The following MRPL44 variants were observed in gnomAD, a reference collection of about 807,000 sequenced individuals.
MRPL44 encodes the protein large ribosomal subunit protein mL44.
Under a neutral mutation model 25.9 loss-of-function variants are expected in MRPL44, and 21 were observed. The ratio of observed to expected loss-of-function variants is 0.81; its 90% CI spans 0.58 to 1.17. The LOEUF (loss-of-function observed/expected upper bound fraction) is 1.17, where lower values mean the gene tolerates loss of function less well. MRPL44 is among the 50% of genes most tolerant of loss of function. The pLI, the probability that MRPL44 is intolerant of heterozygous loss-of-function variation, is 0.00. For synonymous variants in MRPL44, 169 were observed against 151.0 expected, an observed-to-expected ratio of 1.12 and a Z score of -0.87; for missense variants, 410 against 398.9, an observed-to-expected ratio of 1.03 and a Z score of -0.24.
chr2:223,959,523 T>C lies in MRPL44; in HGVS notation c.180-11T>C, dbSNP rs200676510. 57 of 1,591,804 alleles carry C rather than the reference T, an allele frequency of 3.6e-5. No homozygotes were observed. In the East Asian group the frequency reaches 1.2e-3, roughly 33 times the overall value. On this transcript the variant is annotated splice_polypyrimidine_tract_variant and intron_variant, in intron 1 of 3. Transcript: ENST00000258383. Reference sequence around the variant, plus strand: ...TCTCTTTACCATCTCTTACTGTCTTTACATTTTCAGTTCAGAGAAGCCGAA... The same window carrying C: ...TCTCTTTACCATCTCTTACTGTCTTCACATTTTCAGTTCAGAGAAGCCGAA...
chr2:223,967,173 AG>A lies in MRPL44; in HGVS notation c.*140del. ...TTTACTGTGTTCCCAAAATTAAATAAGTGTTAACCAAGTCACAGTGTTTTTG... is the reference window on the plus strand; with the variant it reads ...TTTACTGTGTTCCCAAAATTAAATAATGTTAACCAAGTCACAGTGTTTTTG... On this transcript the variant is annotated 3_prime_UTR_variant, in exon 4 of 4. Transcript: ENST00000258383. The A allele has an allele frequency of 1.1e-6, 1 of 873,890 alleles. No homozygotes were observed. Among genetic ancestry groups the A allele is most frequent in the Non-Finnish European group, 1.7e-6 (1 of 596,714 alleles). 54.1% of individuals were successfully genotyped at this position (873,890 alleles called of 1,614,324 possible).
At chr2:223,951,881 T>C in the MRPL44 span, among the ~76,000 whole-genome samples, 1 of 152,206 alleles carries the variant, frequency 6.6e-6, no homozygotes, top group Non-Finnish European at 1.5e-5. Context: ...TATTTTATAG[T>C]TGTACTGTAA....
intron 2 of MRPL44, 31 bp from the exon 3 acceptor site, chr2:223,963,725 T>C (rs753118404): frequency 7.2e-7 from 1 of 1,388,888 alleles, no homozygotes; most frequent in South Asian, 1.5e-5. Context: ...TTCTACTAAT[T>C]AAAATGTATA....
upstream of MRPL44, among the ~76,000 whole-genome samples, chr2:223,953,259 C>G (rs187714332): frequency 6.6e-6 from 1 of 151,636 alleles, no homozygotes; most frequent in Non-Finnish European, 1.5e-5. Context: ...CTCAGCCTCT[C>G]GAGTAGCTGG....
chr2:223,957,227 G>A (rs1308267944), upstream of MRPL44, among the ~76,000 whole-genome samples: 1 of 152,276 alleles, frequency 6.6e-6, no homozygotes, highest in East Asian at 1.9e-4. Context: ...ACGCCCTCAA[G>A]TCCGGATCAT....
At chr2:223,961,569 T>C (rs903084989) in intron 2 of MRPL44, among the ~76,000 whole-genome samples, 2 of 152,192 alleles carry the variant, frequency 1.3e-5, no homozygotes, top group African/African-American at 4.8e-5. Flanking sequence ...CCAGGTGATA[T>C]CTCTGCATCT....
chr2:223,953,632 C>T (rs764446784), upstream of MRPL44, among the ~76,000 whole-genome samples: 6 of 152,296 alleles, frequency 3.9e-5, no homozygotes, highest in South Asian at 2.1e-4. Flanking sequence ...GGACATGCTT[C>T]GTCTCCTTGG....
Position 223,967,588 on chromosome 2 carries a change from T to C in MRPL44, c.*554T>C, listed in dbSNP as rs1160628808. 1 of 152,240 alleles carries C rather than the reference T, an allele frequency of 6.6e-6. No individual in the cohort carries two copies. Among genetic ancestry groups the C allele is most frequent in the African/African-American group, 2.4e-5 (1 of 41,450 alleles). 9.4% of individuals were successfully genotyped at this position (152,240 alleles called of 1,614,324 possible). ...AAAAATTTTCCTAATGTTCTTGATT[T>C]AATTGTATAGAATTTGTATAATTAG... On this transcript the variant is annotated 3_prime_UTR_variant, in exon 4 of 4. Transcript: ENST00000258383.
At chr2:223,957,039 G>C (rs1000658669), upstream of MRPL44, among the ~76,000 whole-genome samples, 11 of 152,298 alleles carry the variant, frequency 7.2e-5, no homozygotes, top group Admixed American at 5.2e-4. Flanking sequence ...GTAAATACTT[G>C]CTCAGTAGTG....
At chr2:223,952,251 A>G in the MRPL44 span, among the ~76,000 whole-genome samples, 1 of 151,748 alleles carries the variant, frequency 6.6e-6, no homozygotes, top group Non-Finnish European at 1.5e-5. Context: ...TTTCTCCTCC[A>G]CTCTTTCTGC....
At chr2:223,966,299 A>G (rs1013685867) in intron 3 of MRPL44, among the ~76,000 whole-genome samples, 2 of 152,026 alleles carry the variant, frequency 1.3e-5, no homozygotes, top group African/African-American at 4.8e-5. Context: ...TGAAATATAG[A>G]GCTGGTTTCT....
chr2:223,951,618 A>G, the MRPL44 span, among the ~76,000 whole-genome samples: 248 of 151,946 alleles, frequency 1.6e-3, 2 homozygotes, highest in Non-Finnish European at 2.1e-4. Context: ...AGCTGGGATT[A>G]CAGGTACATG....
chr2:223,952,173 T>C, the MRPL44 span, among the ~76,000 whole-genome samples: 2 of 152,204 alleles, frequency 1.3e-5, no homozygotes, highest in South Asian at 2.1e-4. Flanking sequence ...ACTTGCTTCC[T>C]GATAAGTTTG....
At position 223,957,653 on chromosome 2, in the gene MRPL44, T is replaced by C; in HGVS notation, c.179+2T>C. ...GTGCCCGCCGCCGCCCGTGCGCCGG[T>C]AGGAGCCACCTCGGGAAGAGGTCTC... On this transcript the variant is annotated splice_donor_variant, in intron 1 of 3. Coordinates refer to ENST00000258383, the MANE Select transcript of MRPL44 (RefSeq NM_022915.5). LOFTEE classifies it high-confidence loss of function. 1 of 1,604,614 alleles carries C rather than the reference T, an allele frequency of 6.2e-7. No individual in the cohort carries two copies. The highest frequency in any genetic ancestry group is 8.5e-7 in the Non-Finnish European group (1 of 1,179,172).
the MRPL44 span, among the ~76,000 whole-genome samples, chr2:223,952,453 T>C: frequency 6.6e-6 from 1 of 152,196 alleles, no homozygotes; most frequent in Non-Finnish European, 1.5e-5. Flanking sequence ...CTTTCAGTTC[T>C]AACACCTTTG....
chr2:223,955,971 G>T (rs1689557696), upstream of MRPL44, among the ~76,000 whole-genome samples: 1 of 152,150 alleles, frequency 6.6e-6, no homozygotes, highest in Non-Finnish European at 1.5e-5. Flanking sequence ...ATCTGCAAAT[G>T]ATGCTCTCGT....
At chr2:223,957,207 T>C (rs1559182846), upstream of MRPL44, among the ~76,000 whole-genome samples, 2 of 152,274 alleles carry the variant, frequency 1.3e-5, no homozygotes, top group Admixed American at 6.5e-5. Context: ...CCAGAAACTT[T>C]TGGGCGCAAA....
At chr2:223,958,193 A>T (rs1424293412) in intron 1 of MRPL44, among the ~76,000 whole-genome samples, 1 of 152,120 alleles carries the variant, frequency 6.6e-6, no homozygotes, top group Non-Finnish European at 1.5e-5. Context: ...AAATTCCTTC[A>T]TCTTGCTTTT....
upstream of MRPL44, among the ~76,000 whole-genome samples, chr2:223,953,102 T>G (rs1689514024): frequency 6.7e-6 from 1 of 150,042 alleles, no homozygotes; most frequent in African/African-American, 2.4e-5. Flanking sequence ...AAGAATAACT[T>G]ATTCGTATGC....
Sources: allele counts gnomAD v4.1 joint callset (sites outside exome capture counted in the v4.1 genomes callset), GRCh38; gene constraint gnomAD v4.1.1; transcripts MANE v1.5; gene names NCBI Gene and HGNC (gene_info 2026-07-23, HGNC 2026-07-21).